LHCGR: variants seen among roughly 807,000 people sequenced by gnomAD.
The protein encoded by LHCGR is lutropin-choriogonadotropic hormone receptor.
In LHCGR, 55 loss-of-function variants were observed where a neutral mutation model predicts 60.7. The observed-to-expected ratio is 0.91, with a 90% CI of 0.73 to 1.13. LHCGR has a LOEUF of 1.13. Among genes scored for constraint, LHCGR ranks in the 50% most tolerant of loss-of-function variants. The pLI is 0.00. For synonymous variants in LHCGR, 337 were observed against 316.5 expected, an observed-to-expected ratio of 1.06 and a Z score of -0.69; for missense variants, 862 against 836.0, an observed-to-expected ratio of 1.03 and a Z score of -0.38.
At chr2:48,734,475 A>G (rs1241590675) in intron 1 of LHCGR, among the ~76,000 whole-genome samples, 1 of 152,102 alleles carries the variant, frequency 6.6e-6, no homozygotes, top group Non-Finnish European at 1.5e-5. Flanking sequence ...GACCAACTTA[A>G]CCCTCTGTAC....
chr2:48,724,017 T>C (rs1396242257), intron 4 of LHCGR, among the ~76,000 whole-genome samples: 2 of 152,214 alleles, frequency 1.3e-5, no homozygotes. Flanking sequence ...TTTTCCCGTA[T>C]TGCATTCCAC....
At position 48,722,114 on chromosome 2, in the gene LHCGR, C is replaced by T. The variant is rs1356676710; in HGVS notation, c.536+1342G>A. On this transcript the variant is annotated intron_variant, in intron 6 of 10. Transcript: ENST00000294954. ...GCAGTGAGCCAAGATTGCGCCACTG[C>T]ACTCCAGCCTGGTGACAGAGCGAGA... 3.9e-5 allele frequency among the ~76,000 whole-genome samples: 6 copies of T among 152,192 alleles called. No individual in the cohort carries two copies. The East Asian group carries it at 7.7e-4, about 20-fold the overall frequency.
At chr2:48,755,058 AG>A (rs1670145556) in intron 1 of LHCGR, among the ~76,000 whole-genome samples, 1 of 152,076 alleles carries the variant, frequency 6.6e-6, no homozygotes. Context: ...CCTTGGCCAT[AG>A]GGCCTGAGCA....
chr2:48,713,641 AG>A (rs1668104488), intron 7 of LHCGR, among the ~76,000 whole-genome samples: 1 of 152,208 alleles, frequency 6.6e-6, no homozygotes, highest in African/African-American at 2.4e-5. Context: ...CAGTGGGGCC[AG>A]GAGAAGAATT....
Position 48,698,852 on chromosome 2 carries a change from T to A in LHCGR, c.681-52A>T. 2.7e-6 allele frequency: 4 copies of A among 1,482,912 alleles called. No homozygotes were observed. In the South Asian group the frequency reaches 3.7e-5, roughly 14 times the overall value. The allele number at this position is 1,482,912 out of a possible 1,614,324, so 91.9% of individuals were successfully genotyped here. On this transcript the variant is annotated intron_variant, in intron 8 of 10. Transcript: ENST00000294954. Reference sequence around the variant, plus strand: ...TTTATTTATTTATTTTATACATTTTTTTTTTTTGAGACGGAGTCTTGCTCC... The same window carrying A: ...TTTATTTATTTATTTTATACATTTTATTTTTTTGAGACGGAGTCTTGCTCC...
At chr2:48,690,668 T>C (rs1680188313) in intron 10 of LHCGR, among the ~76,000 whole-genome samples, 1 of 152,236 alleles carries the variant, frequency 6.6e-6, no homozygotes, top group African/African-American at 2.4e-5. Flanking sequence ...ATCTCTCTGG[T>C]GAATTCCTCC....
chr2:48,706,767 A>AT (rs1220903094), intron 8 of LHCGR, among the ~76,000 whole-genome samples: 1 of 151,610 alleles, frequency 6.6e-6, no homozygotes, highest in Non-Finnish European at 1.5e-5. Context: ...TTCTACACTG[A>AT]TTTTTCTAGT....
At chr2:48,743,683 G>A (rs1304104996) in intron 1 of LHCGR, among the ~76,000 whole-genome samples, 3 of 152,116 alleles carry the variant, frequency 2.0e-5, no homozygotes, top group Non-Finnish European at 2.9e-5. Context: ...AGGTATTGAT[G>A]GGACGTATCT....
intron 9 of LHCGR, among the ~76,000 whole-genome samples, chr2:48,696,404 G>T (rs369310572): frequency 6.6e-6 from 1 of 152,176 alleles, no homozygotes; most frequent in African/African-American, 2.4e-5. Flanking sequence ...GTGCAAGGCC[G>T]CAACCAGAAA....
At chr2:48,719,290 G>T (rs1035518762) in intron 6 of LHCGR, among the ~76,000 whole-genome samples, 1 of 152,120 alleles carries the variant, frequency 6.6e-6, no homozygotes, top group African/African-American at 2.4e-5. Context: ...AGGCTGCTTG[G>T]CTGGTTAGAC....
rs555923726 is a variant in LHCGR, at chr2:48,735,142, T to A, written c.162-3844A>T. ...TTGGATTACAAAGTCTGCGTTAGCT[T>A]CATCAGCTTGGAACTTCCATCTACT... On this transcript the variant is annotated intron_variant, in intron 1 of 10. Transcript: ENST00000294954. Among the ~76,000 whole-genome samples the A allele has an allele frequency of 2.6e-5, 4 of 152,360 alleles. No individual in the cohort carries two copies. In the East Asian group the frequency reaches 7.7e-4, roughly 29 times the overall value.
chr2:48,688,974 T>A lies in LHCGR; in HGVS notation c.948-125A>T. On this transcript the variant is annotated intron_variant, in intron 10 of 10. Coordinates refer to ENST00000294954, the MANE Select transcript of LHCGR (RefSeq NM_000233.4). This position sits in a 1 kb window ranked among gnomAD's most constrained non-coding sequence, Gnocchi z 5.2. ...AAGCCATAATAGCCTCAGCCTTACA[T>A]TTATTTGTTAAATTATTTGAGAACT... 1 of 845,018 alleles carries A rather than the reference T, an allele frequency of 1.2e-6. No individual in the cohort carries two copies. Among genetic ancestry groups the A allele is most frequent in the Non-Finnish European group, 1.9e-6 (1 of 534,150 alleles). The allele number at this position is 845,018 out of a possible 1,614,324, so 52.3% of individuals were successfully genotyped here.
chr2:48,747,394 G>A (rs1290618825), intron 1 of LHCGR, among the ~76,000 whole-genome samples: 1 of 152,156 alleles, frequency 6.6e-6, no homozygotes, highest in Non-Finnish European at 1.5e-5. Flanking sequence ...GCCTGAGAAT[G>A]GGTTTGAAGT....
chr2:48,724,913 T>C (rs893099996), intron 4 of LHCGR, among the ~76,000 whole-genome samples: 7 of 152,166 alleles, frequency 4.6e-5, no homozygotes, highest in Non-Finnish European at 7.4e-5. Flanking sequence ...TTTCCTTTTT[T>C]TGGGCAGTGA....
intron 1 of LHCGR, among the ~76,000 whole-genome samples, chr2:48,745,353 C>T (rs1234588710): frequency 1.3e-5 from 2 of 152,108 alleles, no homozygotes; most frequent in Non-Finnish European, 2.9e-5. Context: ...TGGGTATATA[C>T]CCAAAGGACT....
intron 6 of LHCGR, among the ~76,000 whole-genome samples, chr2:48,716,322 G>A (rs1047521292): frequency 2.4e-4 from 37 of 152,076 alleles, no homozygotes; most frequent in Non-Finnish European, 4.6e-4. Context: ...ATGATTTATG[G>A]TAAGAAATTC....
In LHCGR at chr2:48,698,526, G is replaced by A. The variant is rs976135004; in HGVS notation, c.866+89C>T. On this transcript the variant is annotated intron_variant, in intron 9 of 10. Transcript: ENST00000294954. ...GCTGGCCAAGAAGGTAGGGAGTGAA[G>A]GGGAGTGGAGCTGTCTACTCATTGA... The A allele has an allele frequency of 2.0e-5, 21 of 1,024,692 alleles. No homozygotes were observed. The African/African-American group carries it at 3.2e-4, about 15-fold the overall frequency. The allele number at this position is 1,024,692 out of a possible 1,614,324, so 63.5% of individuals were successfully genotyped here. A position where few individuals can be genotyped will look rare whatever the true frequency, so the allele number is the denominator to read the frequency against.
At chr2:48,746,432 A>G (rs1409861677) in intron 1 of LHCGR, among the ~76,000 whole-genome samples, 11 of 152,240 alleles carry the variant, frequency 7.2e-5, no homozygotes, top group Admixed American at 7.2e-4. Flanking sequence ...GATAAAGAAC[A>G]ACCTTCAATT....
At chr2:48,752,103 A>G (rs1183624899) in intron 1 of LHCGR, among the ~76,000 whole-genome samples, 1 of 152,182 alleles carries the variant, frequency 6.6e-6, no homozygotes, top group African/African-American at 2.4e-5. Flanking sequence ...AATTAAAGTG[A>G]GTGAAATGTG....
Sources: gnomAD v4.1 joint callset for allele counts (sites outside exome capture counted in the v4.1 genomes callset) on GRCh38, gnomAD v4.1.1 for gene constraint, Gnocchi (gnomAD v3.1) non-coding constraint, MANE v1.5 for transcripts, NCBI Gene and HGNC (gene_info 2026-07-23, HGNC 2026-07-21) for gene names.